The following CLEC2A variants were observed in gnomAD, a reference collection of about 807,000 sequenced individuals.
The protein encoded by CLEC2A is keratinocyte-associated C-type lectin.
In CLEC2A, 19 loss-of-function variants were observed where a neutral mutation model predicts 18.6. That is an observed-to-expected ratio of 1.02 (90% confidence interval 0.71 to 1.50). CLEC2A has a LOEUF of 1.50. Among genes scored for constraint, CLEC2A ranks in the 40% most tolerant of loss-of-function variants. CLEC2A has a pLI of 0.00. For missense variants in CLEC2A, 190 were observed against 207.9 expected (o/e 0.91, Z 0.53); for synonymous variants, 74 against 64.0 (o/e 1.16, Z -0.75).
At chr12:9,916,109 A>G (rs1863067293) in intron 4 of CLEC2A, among the ~76,000 whole-genome samples, 1 of 151,848 alleles carries the variant, frequency 6.6e-6, no homozygotes, top group African/African-American at 2.4e-5. Flanking sequence ...AATATTGCTT[A>G]TGATGAACAT....
At chr12:9,900,557 T>A (rs1249742994) in intron 4 of CLEC2A, among the ~76,000 whole-genome samples, 1 of 152,206 alleles carries the variant, frequency 6.6e-6, no homozygotes, top group Non-Finnish European at 1.5e-5. Context: ...GATGGAAATT[T>A]GTTCCACAAG....
chr12:9,884,777 G>A, the CLEC2A span, among the ~76,000 whole-genome samples: 1 of 151,186 alleles, frequency 6.6e-6, no homozygotes, highest in Non-Finnish European at 1.5e-5. Context: ...TATCTCCTTG[G>A]TTTGGGATTC....
In CLEC2A at chr12:9,923,458, G is replaced by C. The variant is rs367545443; in HGVS notation, c.140-1226C>G. Among the ~76,000 whole-genome samples, 24 of 151,944 alleles carry C rather than the reference G, an allele frequency of 1.6e-4. No homozygotes were observed. The South Asian group carries it at 5.0e-3, about 31-fold the overall frequency. ...TGCTGGAGAGGATGTGGAGAAATAG[G>C]AATACTTTTACACTGTTGGTGGGAC... On this transcript the variant is annotated intron_variant, in intron 2 of 4. Coordinates refer to ENST00000455827, the MANE Select transcript of CLEC2A (RefSeq NM_001130711.2).
chr12:9,903,580 T>C (rs1862865706), intron 4 of CLEC2A, among the ~76,000 whole-genome samples: 1 of 152,222 alleles, frequency 6.6e-6, no homozygotes, highest in Non-Finnish European at 1.5e-5. Flanking sequence ...TGAGTTCCAA[T>C]CATGACACAG....
chr12:9,906,560 A>G (rs1862910699), intron 4 of CLEC2A, among the ~76,000 whole-genome samples: 1 of 152,172 alleles, frequency 6.6e-6, no homozygotes, highest in South Asian at 2.1e-4. Flanking sequence ...AGCTACCTCA[A>G]AGGAGTACTT....
At chr12:9,901,357 G>A (rs1862827063) in intron 4 of CLEC2A, among the ~76,000 whole-genome samples, 1 of 152,186 alleles carries the variant, frequency 6.6e-6, no homozygotes. Context: ...ATAGCAAAAT[G>A]TCCAGGGTAG....
At chr12:9,931,997 C>T (rs571018236) in intron 1 of CLEC2A, among the ~76,000 whole-genome samples, 1 of 152,096 alleles carries the variant, frequency 6.6e-6, no homozygotes, top group Non-Finnish European at 1.5e-5. Context: ...AATTTTTTCC[C>T]TGTGAAAGTA....
At chr12:9,890,642 A>C in the CLEC2A span, among the ~76,000 whole-genome samples, 2 of 152,226 alleles carry the variant, frequency 1.3e-5, no homozygotes, top group African/African-American at 4.8e-5. Context: ...ATGGACTTAC[A>C]TCTGATTAAG....
chr12:9,889,484 A>C, the CLEC2A span, among the ~76,000 whole-genome samples: 2 of 152,146 alleles, frequency 1.3e-5, no homozygotes, highest in Non-Finnish European at 2.9e-5. Context: ...AGGTCCCCAA[A>C]GGAAGAGGAA....
chr12:9,913,676 C>G lies in CLEC2A; in HGVS notation c.415G>C (p.Glu139Gln), dbSNP rs115598241. 3,866 of 1,541,798 alleles carry G rather than the reference C, an allele frequency of 2.5e-3. 98 individuals are homozygous for G. In the African/African-American group the frequency reaches 0.044, roughly 18 times the overall value. Residue 139 changes from glutamate to glutamine, a missense_variant, in exon 5 of 5, where the codon GAA becomes CAA. By Grantham distance (29) the Glu-to-Gln change is conservative (BLOSUM62 2). Coordinates refer to ENST00000455827, the MANE Select transcript of CLEC2A (RefSeq NM_001130711.2). ...TNGTTFNGWF[E>Q]IIGNGSFAFL... The stretch of plus-strand genomic sequence containing the variant: ...GCAAAGGATCCGTTCCCTATAATTT[C>G]AAACCTGAAAAAGAACACTCTAAAT...
At chr12:9,910,628 T>G (rs1049752089), downstream of CLEC2A, among the ~76,000 whole-genome samples, 2 of 152,186 alleles carry the variant, frequency 1.3e-5, no homozygotes, top group Non-Finnish European at 2.9e-5. Context: ...TTCACACACT[T>G]TCAACCTCCA....
At chr12:9,878,822 C>T in the CLEC2A span, among the ~76,000 whole-genome samples, 2 of 152,146 alleles carry the variant, frequency 1.3e-5, no homozygotes, top group Middle Eastern at 3.2e-3. Context: ...CACCTTCTCT[C>T]TCCTTTCTAC....
intron 4 of CLEC2A, among the ~76,000 whole-genome samples, chr12:9,913,968 A>G (rs1442264507): frequency 6.6e-6 from 1 of 152,102 alleles, no homozygotes; most frequent in Non-Finnish European, 1.5e-5. Flanking sequence ...CTTTCCTTCC[A>G]TTCTTCCTTC....
chr12:9,924,259 C>T (rs1863226750), intron 2 of CLEC2A, among the ~76,000 whole-genome samples: 1 of 152,084 alleles, frequency 6.6e-6, no homozygotes, highest in Non-Finnish European at 1.5e-5. Context: ...ACATAAATGT[C>T]TTCTTTTGTC....
chr12:9,920,282 G>C (rs2137043512), intron 3 of CLEC2A, among the ~76,000 whole-genome samples: 1 of 152,264 alleles, frequency 6.6e-6, no homozygotes, highest in South Asian at 2.1e-4. Flanking sequence ...ACTTTTGCTG[G>C]GAAGCCTGGA....
rs373859719 is a variant in CLEC2A, at chr12:9,913,625, T to C, written c.466A>G (p.Ser156Gly). 4 of 1,550,136 alleles carry C rather than the reference T, an allele frequency of 2.6e-6. No individual in the cohort carries two copies. In the South Asian group the frequency reaches 3.6e-5, roughly 14 times the overall value. Reference sequence around the variant, plus strand: ...TTGATATCAATAAATCCTCTGGAACTATGGACTCCATCAGCACTCAAGAAA... The same window carrying C: ...TTGATATCAATAAATCCTCTGGAACCATGGACTCCATCAGCACTCAAGAAA... The part of the protein sequence containing the change: ...FAFLSADGVH[S>G]SRGFIDIKWI... Residue 156 changes from serine to glycine, a missense_variant, in exon 5 of 5, where the codon AGT becomes GGT. Transcript: ENST00000455827.
At chr12:9,900,934 A>C (rs1432827965) in intron 4 of CLEC2A, among the ~76,000 whole-genome samples, 2 of 152,228 alleles carry the variant, frequency 1.3e-5, no homozygotes, top group Non-Finnish European at 2.9e-5. Context: ...TATTGCCATA[A>C]GTTAAGAACA....
Position 9,923,804 on chromosome 12 carries a change from C to T in CLEC2A, c.140-1572G>A, listed in dbSNP as rs971753641. 2.0e-5 allele frequency among the ~76,000 whole-genome samples: 3 copies of T among 152,268 alleles called. No homozygotes were observed. The East Asian group carries it at 5.8e-4, about 29-fold the overall frequency. On this transcript the variant is annotated intron_variant, in intron 2 of 4. Coordinates refer to ENST00000455827, the MANE Select transcript of CLEC2A (RefSeq NM_001130711.2). ...GGACATGGATGAAGCTGGAAACCAT[C>T]ATTCTCAGCAAACTATGGCAAGGAC...
chr12:9,917,235 A>G (rs1018386442), intron 3 of CLEC2A, among the ~76,000 whole-genome samples: 17 of 152,126 alleles, frequency 1.1e-4, no homozygotes, highest in Non-Finnish European at 1.6e-4. Context: ...CTTTTATTTT[A>G]GGTTCTGTGA....
Sources: gnomAD v4.1 joint callset for allele counts (sites outside exome capture counted in the v4.1 genomes callset) on GRCh38, gnomAD v4.1.1 for gene constraint, MANE v1.5 for transcripts, NCBI Gene and HGNC (gene_info 2026-07-23, HGNC 2026-07-21) for gene names.